Variants in MTBP observed in about 807,000 individuals in gnomAD.
MTBP encodes the protein MDM2 binding protein, also known as mdm2-binding protein.
MTBP carries 101 observed loss-of-function variants against 117.0 expected under a neutral mutation model. The observed-to-expected ratio is 0.86, with a 90% confidence interval of 0.73 to 1.02. The LOEUF is 1.02. Among genes scored for constraint, MTBP ranks in the 50% least tolerant of loss-of-function variants. The pLI is 0.00. For synonymous variants in MTBP, 350 were observed against 351.5 expected, an observed-to-expected ratio of 1.00 and a Z score of 0.05; for missense variants, 970 against 1,030.9, an observed-to-expected ratio of 0.94 and a Z score of 0.81.
chr8:120,507,161 A>G (rs1280021060), intron 16 of MTBP, among the ~76,000 whole-genome samples: 1 of 152,114 alleles, frequency 6.6e-6, no homozygotes, highest in Non-Finnish European at 1.5e-5. Context: ...AAAAATAGGA[A>G]TTTGACTTAC....
chr8:120,470,866 T>A lies in MTBP; in HGVS notation c.1094T>A (p.Ile365Asn), dbSNP rs1268850679. The A allele has an allele frequency of 1.2e-6, 2 of 1,612,540 alleles. No homozygotes were observed. The highest frequency in any genetic ancestry group is 2.7e-5 in the African/African-American group (2 of 74,878). Residue 365 changes from isoleucine (I) to asparagine (N), a missense_variant, in exon 11 of 22, where the codon ATT becomes AAT. By Grantham distance (149) the Ile-to-Asn change is moderately radical (BLOSUM62 -3). Coordinates refer to ENST00000305949, the MANE Select transcript of MTBP (RefSeq NM_022045.5). Reference protein sequence around the residue: ...VLPCTISNILIPPPNQLSSRK... With the variant: ...VLPCTISNILNPPPNQLSSRK... ...CCATGTACCATTAGTAACATACTGA[T>A]TCCACCTCCCAACCAACTCAGTTCA...
intron 6 of MTBP, 52 bp from the exon 7 acceptor site, chr8:120,456,501 A>C: frequency 8.9e-7 from 1 of 1,124,812 alleles, no homozygotes; most frequent in Non-Finnish European, 1.3e-6. Flanking sequence ...TAATGATTAA[A>C]TCAGTGAAAT....
intron 15 of MTBP, among the ~76,000 whole-genome samples, chr8:120,505,862 G>T (rs1231275357): frequency 6.6e-6 from 1 of 151,962 alleles, no homozygotes; most frequent in Admixed American, 6.6e-5. Context: ...TAGGGTCATA[G>T]AGTAGAAATA....
chr8:120,522,952 G>T (rs1815031375), intron 21 of MTBP, among the ~76,000 whole-genome samples: 1 of 151,990 alleles, frequency 6.6e-6, no homozygotes, highest in South Asian at 2.1e-4. Context: ...GAAAGCAAAA[G>T]AAAAAATAAA....
intron 21 of MTBP, 82 bp from the exon 22 acceptor site, chr8:120,523,215 CT>C: frequency 1.1e-6 from 1 of 907,254 alleles, no homozygotes; most frequent in South Asian, 1.6e-5. Context: ...CTACCATGTT[CT>C]TTTGAAGTTT....
intron 17 of MTBP, among the ~76,000 whole-genome samples, chr8:120,515,094 T>C (rs929843928): frequency 3.9e-5 from 6 of 152,190 alleles, no homozygotes; most frequent in Non-Finnish European, 7.4e-5. Context: ...AAAAATCTGA[T>C]TTTAGGCAGT....
chr8:120,507,664 A>G (rs1388656029), intron 16 of MTBP, among the ~76,000 whole-genome samples: 1 of 152,172 alleles, frequency 6.6e-6, no homozygotes, highest in Admixed American at 6.5e-5. Context: ...GAAGGCAGTT[A>G]TATCTCAGAA....
At position 120,470,847 on chromosome 8, in the gene MTBP, A is replaced by G; in HGVS notation, c.1075A>G (p.Thr359Ala). 2 of 1,610,756 alleles carry G rather than the reference A, an allele frequency of 1.2e-6. No homozygotes were observed. Among genetic ancestry groups the G allele is most frequent in the Non-Finnish European group, 8.5e-7 (1 of 1,177,404 alleles). Residue 359 changes from threonine (T) to alanine (A), a missense_variant, in exon 11 of 22, where the codon ACC (threonine) becomes GCC (alanine). Physicochemically the swap from Thr to Ala is moderately conservative, Grantham distance 58. Coordinates refer to ENST00000305949, the MANE Select transcript of MTBP (RefSeq NM_022045.5). The part of the protein sequence containing the change: ...KVGALFVLPC[T>A]ISNILIPPPN... ...TGGTGCTCTTTTTGTATTGCCATGT[A>G]CCATTAGTAACATACTGATTCCACC...
chr8:120,522,599 T>C, intron 20 of MTBP, 55 bp from the exon 21 acceptor site: 1 of 1,154,626 alleles, frequency 8.7e-7, no homozygotes, highest in Non-Finnish European at 1.3e-6. Flanking sequence ...AATAATGAGT[T>C]GTTCTTTGTA....
At chr8:120,457,515 A>C (rs191449753) in intron 7 of MTBP, among the ~76,000 whole-genome samples, 75 of 152,304 alleles carry the variant, frequency 4.9e-4, no homozygotes, top group Admixed American at 4.8e-3. Flanking sequence ...TGATTAGACA[A>C]CAGGAATCAA....
chr8:120,482,848 T>C (rs1386488652), intron 11 of MTBP, among the ~76,000 whole-genome samples: 1 of 151,844 alleles, frequency 6.6e-6, no homozygotes, highest in East Asian at 1.9e-4. Context: ...TACAGGCACA[T>C]GCCACCACGC....
chr8:120,518,157 A>G, intron 19 of MTBP, 57 bp downstream of exon 19: 1 of 1,537,792 alleles, frequency 6.5e-7, no homozygotes. Flanking sequence ...TTTAAATTTG[A>G]TTACTTTAAA....
At chr8:120,474,480 C>G (rs1413759450) in intron 11 of MTBP, among the ~76,000 whole-genome samples, 1 of 151,938 alleles carries the variant, frequency 6.6e-6, no homozygotes, top group Non-Finnish European at 1.5e-5. Context: ...CTAACAATAC[C>G]CTTTCTCACT....
intron 11 of MTBP, among the ~76,000 whole-genome samples, chr8:120,477,606 A>G (rs1813971402): frequency 6.6e-6 from 1 of 152,246 alleles, no homozygotes; most frequent in Non-Finnish European, 1.5e-5. Context: ...ATGAACAGAC[A>G]CTTCTCAGAA....
At chr8:120,522,841 T>A (rs1314272266) in intron 21 of MTBP, 122 bp downstream of exon 21, 1 of 687,472 alleles carries the variant, frequency 1.5e-6, no homozygotes, top group Non-Finnish European at 2.3e-6. Context: ...TCTGTCCCTA[T>A]GAAAACTCTT....
At chr8:120,477,646 GA>G (rs965149004) in intron 11 of MTBP, among the ~76,000 whole-genome samples, 60 of 150,608 alleles carry the variant, frequency 4.0e-4, no homozygotes, top group Non-Finnish European at 5.4e-4. Context: ...ATAAACATAT[GA>G]AAAAAAGCTT....
rs35475031 is a variant in MTBP, at chr8:120,519,181, G to GAA, written c.2610+378_2610+379dup. Reference sequence around the variant, plus strand: ...GTTAACTGCAAATTGAAAATGTTCTGAAAAAAAAAAAAAAAGGATGCTGCA... The same window carrying GAA: ...GTTAACTGCAAATTGAAAATGTTCTGAAAAAAAAAAAAAAAAAGGATGCTGCA... On this transcript the variant is annotated intron_variant, in intron 20 of 21. Coordinates refer to ENST00000305949, the MANE Select transcript of MTBP (RefSeq NM_022045.5). 9.0e-3 allele frequency among the ~76,000 whole-genome samples: 1,071 copies of GAA among 118,356 alleles called. 17 individuals carry two copies. The highest frequency in any genetic ancestry group is 0.031 in the African/African-American group (998 of 32,182). 77.6% of individuals were successfully genotyped at this position (118,356 alleles called of 152,430 possible). A position where few individuals can be genotyped will look rare whatever the true frequency, so the allele number is the denominator to read the frequency against.
chr8:120,509,881 TC>T, intron 16 of MTBP, 52 bp from the exon 17 acceptor site: 1 of 1,269,380 alleles, frequency 7.9e-7, no homozygotes, highest in Middle Eastern at 2.3e-4. Context: ...TCTTTAACTT[TC>T]TTTTTGTCAG....
chr8:120,479,352 G>A (rs1389741889), intron 11 of MTBP, among the ~76,000 whole-genome samples: 2 of 152,162 alleles, frequency 1.3e-5, no homozygotes, highest in African/African-American at 4.8e-5. Context: ...ATTTCATCTT[G>A]AGAAATAAAG....
Sources: allele counts gnomAD v4.1 joint callset (sites outside exome capture counted in the v4.1 genomes callset), GRCh38; gene constraint gnomAD v4.1.1; transcripts MANE v1.5; gene names NCBI Gene and HGNC (gene_info 2026-07-23, HGNC 2026-07-21).